The following CALCOCO2 variants were observed in gnomAD, a reference collection of about 807,000 sequenced individuals.
CALCOCO2 encodes calcium binding and coiled-coil domain 2.
CALCOCO2 carries 42 observed loss-of-function variants against 62.5 expected under a neutral mutation model. The observed-to-expected ratio is 0.67, with a 90% CI of 0.53 to 0.87. The LOEUF is 0.87. CALCOCO2 is among the 40% of genes least tolerant of loss of function. The probability of loss-of-function intolerance (pLI) is 0.00; values close to 1 mark genes in which losing one functional copy is unlikely to be tolerated. For missense variants in CALCOCO2, 456 were observed against 515.0 expected, an observed-to-expected ratio of 0.89 and a Z score of 1.11; for synonymous variants, 167 against 173.0, an observed-to-expected ratio of 0.97 and a Z score of 0.27.
Position 48,858,046 on chromosome 17 carries a change from A to ATAGAATAGAATAGAATAGAG in CALCOCO2, c.1008+1859_1008+1860insTAGAATAGAATAGAATAGAG. Among the ~76,000 whole-genome samples, 63 of 40,048 alleles carry ATAGAATAGAATAGAATAGAG rather than the reference A, an allele frequency of 1.6e-3. 9 individuals are homozygous for ATAGAATAGAATAGAATAGAG. Among genetic ancestry groups the ATAGAATAGAATAGAATAGAG allele is most frequent in the Admixed American group, 3.2e-3 (10 of 3,104 alleles). The allele number at this position is 40,048 out of a possible 152,430, so 26.3% of individuals were successfully genotyped here. ...ATAGAATAGAATAGAATAGAATAGA[A>ATAGAATAGAATAGAATAGAG]AATAGAATAGAATAGAATAGAATAG... On this transcript the variant is annotated intron_variant, in intron 10 of 12. Transcript: ENST00000258947.
At chr17:48,858,249 T>C (rs2040273509) in intron 10 of CALCOCO2, among the ~76,000 whole-genome samples, 1 of 152,050 alleles carries the variant, frequency 6.6e-6, no homozygotes, top group Admixed American at 6.6e-5. Flanking sequence ...CCAATGTGTT[T>C]CATAATTGCA....
intron 2 of CALCOCO2, 32 bp downstream of exon 2, chr17:48,841,919 G>T (rs2039978991): frequency 4.7e-6 from 7 of 1,493,160 alleles, no homozygotes; most frequent in Middle Eastern, 1.8e-4. Context: ...AAGTGATCAG[G>T]AACTAGAGGT....
intron 2 of CALCOCO2, chr17:48,846,516 T>C (rs754265304): frequency 1.1e-5 from 15 of 1,412,930 alleles, no homozygotes; most frequent in Non-Finnish European, 1.4e-5. Flanking sequence ...AAATTGCAGG[T>C]GGCTAGAAGT....
chr17:48,858,615 C>G (rs187279139), intron 10 of CALCOCO2, among the ~76,000 whole-genome samples: 1 of 152,134 alleles, frequency 6.6e-6, no homozygotes, highest in East Asian at 1.9e-4. Context: ...CAGGCATAAG[C>G]CACTGTGTCC....
chr17:48,841,223 C>G (rs1287996661), intron 1 of CALCOCO2, among the ~76,000 whole-genome samples: 1 of 152,138 alleles, frequency 6.6e-6, no homozygotes, highest in African/African-American at 2.4e-5. Context: ...ATCCCCAGGT[C>G]CTAGCAGAGT....
At chr17:48,851,315 C>A in intron 6 of CALCOCO2, 138 bp downstream of exon 6, 2 of 655,608 alleles carry the variant, frequency 3.1e-6, no homozygotes, top group East Asian at 2.6e-5. Context: ...CCCTTTGAAT[C>A]ATGAATTAGA....
intron 2 of CALCOCO2, chr17:48,845,999 G>C (rs1159941631): frequency 1.0e-6 from 1 of 985,906 alleles, no homozygotes; most frequent in East Asian, 2.9e-5. Flanking sequence ...GTCCTTTGCA[G>C]CTCACCTCAA....
intron 11 of CALCOCO2, 129 bp downstream of exon 11, chr17:48,860,578 C>T: frequency 1.4e-6 from 1 of 729,372 alleles, no homozygotes; most frequent in East Asian, 2.6e-5. Flanking sequence ...AAGCTGAGGA[C>T]CCAGTAGAAA....
In CALCOCO2 at chr17:48,864,066, C is replaced by CTTTTTTTT. The variant is rs35356632; in HGVS notation, c.*1073_*1080dup. ...TCCAAGGCCCTGGCTTGCTTTCTTT[C>CTTTTTTTT]TTTTTTTTTTTTTTTTTTTGAAACA... On this transcript the variant is annotated 3_prime_UTR_variant, in exon 13 of 13. Coordinates refer to ENST00000258947, the MANE Select transcript of CALCOCO2 (RefSeq NM_005831.5). 7.9e-6 allele frequency: 1 copy of CTTTTTTTT among 126,496 alleles called. No individual in the cohort carries two copies. The highest frequency in any genetic ancestry group is 3.0e-5 in the African/African-American group (1 of 33,540). The allele number at this position is 126,496 out of a possible 1,614,324, so 7.8% of individuals were successfully genotyped here.
intron 1 of CALCOCO2, among the ~76,000 whole-genome samples, chr17:48,836,758 CTTT>C (rs762035927): frequency 1.6e-5 from 2 of 122,340 alleles, no homozygotes. Context: ...GGAAGTCACT[CTTT>C]TTTTTTTTTT....
intron 4 of CALCOCO2, 37 bp from the exon 5 acceptor site, chr17:48,849,215 G>T (rs1213886786): frequency 6.2e-7 from 1 of 1,607,858 alleles, no homozygotes; most frequent in African/African-American, 1.3e-5. Flanking sequence ...TCTGCTAGAG[G>T]GACTTGGAAT....
intron 1 of CALCOCO2, among the ~76,000 whole-genome samples, chr17:48,838,085 A>T (rs1388007984): frequency 6.6e-6 from 1 of 152,170 alleles, no homozygotes; most frequent in Non-Finnish European, 1.5e-5. Context: ...TCCTGTCTCA[A>T]GAGCTGAGCT....
At chr17:48,855,863 CA>C (rs11463396) in intron 9 of CALCOCO2, 9,938 of 167,520 alleles carry the variant, frequency 0.059, no homozygotes, top group East Asian at 0.12. Context: ...TCAGCTAAAC[CA>C]AAAAAAAAAA....
At chr17:48,856,911 G>A (rs1691525264) in intron 10 of CALCOCO2, among the ~76,000 whole-genome samples, 1 of 151,656 alleles carries the variant, frequency 6.6e-6, no homozygotes, top group African/African-American at 2.4e-5. Flanking sequence ...TGATCGTCCT[G>A]CCACAGCCTC....
chr17:48,857,973 T>TGAATA (rs1567758957), intron 10 of CALCOCO2, among the ~76,000 whole-genome samples: 1 of 59,814 alleles, frequency 1.7e-5, no homozygotes, highest in Non-Finnish European at 4.5e-5. Flanking sequence ...CAAGACTACA[T>TGAATA]CAATAGAATA....
intron 2 of CALCOCO2, chr17:48,846,534 CT>C (rs1247861131): frequency 8.4e-7 from 1 of 1,192,662 alleles, no homozygotes; most frequent in South Asian, 1.3e-5. Flanking sequence ...AGTTGTTTCC[CT>C]GTTCCAAGGC....
chr17:48,857,987 T>TAGA (rs2040247866), intron 10 of CALCOCO2, among the ~76,000 whole-genome samples: 1 of 18,442 alleles, frequency 5.4e-5, no homozygotes, highest in Non-Finnish European at 1.3e-4. Flanking sequence ...TAGAATAGAA[T>TAGA]AGAATAGAAT....
intron 9 of CALCOCO2, among the ~76,000 whole-genome samples, chr17:48,854,751 C>G (rs1446423365): frequency 6.6e-6 from 1 of 151,732 alleles, no homozygotes; most frequent in Non-Finnish European, 1.5e-5. Context: ...CTAGGGGCTC[C>G]CCACCTGGCT....
In CALCOCO2 at chr17:48,851,590, GA is replaced by G; in HGVS notation, c.668del (p.Asn223MetfsTer36). Reference protein sequence around the residue: ...LKEQNQKMSSENEKMGIRVDQ... With the variant: ...LKEQNQKMSSXNEKMGIRVDQ... ...AGAACAAAACCAGAAGATGTCCTCA[GA>G]AAATGAGAAGATGGGAATCAGAGTG... On this transcript the variant is annotated frameshift_variant, in exon 7 of 13. Coordinates refer to ENST00000258947, the MANE Select transcript of CALCOCO2 (RefSeq NM_005831.5). LOFTEE classifies it high-confidence loss of function. 6.2e-7 allele frequency: 1 copy of G among 1,604,030 alleles called. No homozygotes were observed. Among genetic ancestry groups the G allele is most frequent in the African/African-American group, 1.3e-5 (1 of 74,854 alleles).
Sources: gnomAD v4.1 joint callset for allele counts (sites outside exome capture counted in the v4.1 genomes callset) on GRCh38, gnomAD v4.1.1 for gene constraint, MANE v1.5 for transcripts, NCBI Gene and HGNC (gene_info 2026-07-23, HGNC 2026-07-21) for gene names.